The following LPAR1 variants were observed in gnomAD, a reference collection of about 807,000 sequenced individuals.
The protein encoded by LPAR1 is LPA receptor 1.
LPAR1 carries 5 observed loss-of-function variants against 23.8 expected under a neutral mutation model. That is an observed-to-expected ratio of 0.21 (90% CI 0.11 to 0.44). LPAR1 has a LOEUF of 0.44. Among genes scored for constraint, LPAR1 ranks in the 20% least tolerant of loss-of-function variants. The probability of loss-of-function intolerance (pLI) is 0.99; values close to 1 mark genes in which losing one functional copy is unlikely to be tolerated. For synonymous variants in LPAR1, 160 were observed against 164.7 expected (o/e 0.97, Z 0.22); for missense variants, 311 against 482.8 (o/e 0.64, Z 3.33).
intron 4 of LPAR1, among the ~76,000 whole-genome samples, chr9:110,962,883 T>C (rs1056674785): frequency 5.9e-5 from 9 of 152,168 alleles, no homozygotes; most frequent in Admixed American, 5.9e-4. Context: ...GTACAGATCT[T>C]AAAAGACAGA....
intron 4 of LPAR1, among the ~76,000 whole-genome samples, chr9:110,965,526 C>T (rs2096183767): frequency 6.6e-6 from 1 of 152,174 alleles, no homozygotes; most frequent in Non-Finnish European, 1.5e-5. Context: ...AAAAAAAGCT[C>T]ATTATTCCTG....
intron 2 of LPAR1, among the ~76,000 whole-genome samples, chr9:110,991,497 ATT>A (rs2096891323): frequency 6.6e-6 from 1 of 152,106 alleles, no homozygotes; most frequent in South Asian, 2.1e-4. Flanking sequence ...CTTTGATGTG[ATT>A]TTATATGCAC....
chr9:110,927,797 C>G (rs552891385), intron 5 of LPAR1, among the ~76,000 whole-genome samples: 2 of 152,166 alleles, frequency 1.3e-5, no homozygotes, highest in East Asian at 3.9e-4. Context: ...ATAAGTTAAG[C>G]CTTCATACAC....
chr9:110,885,684 G>A (rs1441040415), intron 5 of LPAR1, among the ~76,000 whole-genome samples: 1 of 152,168 alleles, frequency 6.6e-6, no homozygotes, highest in Non-Finnish European at 1.5e-5. Flanking sequence ...ACCTTAAGAT[G>A]GGTCACTGCC....
intron 2 of LPAR1, among the ~76,000 whole-genome samples, chr9:111,022,758 A>C (rs545002360): frequency 1.1e-4 from 17 of 152,300 alleles, no homozygotes; most frequent in Admixed American, 3.3e-4. Context: ...GCCTTCAAAA[A>C]ACCCTGCTAT....
chr9:110,976,336 C>CA (rs11356512), intron 2 of LPAR1, among the ~76,000 whole-genome samples: 29,455 of 126,546 alleles, frequency 0.23, 3,189 homozygotes, highest in South Asian at 0.32. Context: ...ACTAAAAATA[C>CA]AAAAAAAAAA....
chr9:110,898,883 CTA>C (rs2133718099), intron 5 of LPAR1, among the ~76,000 whole-genome samples: 1 of 152,240 alleles, frequency 6.6e-6, no homozygotes, highest in East Asian at 1.9e-4. Context: ...CCAAAACATC[CTA>C]TGAGTGTTTT....
In LPAR1 at chr9:111,038,289, G is replaced by C. The variant is rs1264841791; in HGVS notation, c.-384C>G. The C allele has an allele frequency of 1.3e-5, 2 of 148,586 alleles. No homozygotes were observed. Among genetic ancestry groups the C allele is most frequent in the African/African-American group, 2.4e-5 (1 of 41,032 alleles). The allele number at this position is 148,586 out of a possible 1,614,324, so 9.2% of individuals were successfully genotyped here. A position where few individuals can be genotyped will look rare whatever the true frequency, so the allele number is the denominator to read the frequency against. Reference sequence around the variant, plus strand: ...AGCCCGGCCCTCCGCCCGCCCCTCGGCAGTCGCCCAGAGCGGGGCCGCCCC... The same window carrying C: ...AGCCCGGCCCTCCGCCCGCCCCTCGCCAGTCGCCCAGAGCGGGGCCGCCCC... On this transcript the variant is annotated 5_prime_UTR_variant, in exon 1 of 6. Transcript: ENST00000683809. This position sits in a 1 kb window ranked among gnomAD's most constrained non-coding sequence, Gnocchi z 4.4.
chr9:111,022,779 G>C (rs563099902), intron 2 of LPAR1, among the ~76,000 whole-genome samples: 4 of 151,930 alleles, frequency 2.6e-5, no homozygotes, highest in Non-Finnish European at 5.9e-5. Context: ...TGCCGGGCGC[G>C]GTGGCTCAAG....
At chr9:110,900,560 T>G (rs2088480940) in intron 5 of LPAR1, among the ~76,000 whole-genome samples, 1 of 152,180 alleles carries the variant, frequency 6.6e-6, no homozygotes, top group Non-Finnish European at 1.5e-5. Context: ...TTCATAGCAT[T>G]TCTAGTCACA....
chr9:110,917,723 T>C (rs2093302150), intron 5 of LPAR1, among the ~76,000 whole-genome samples: 1 of 152,234 alleles, frequency 6.6e-6, no homozygotes, highest in South Asian at 2.1e-4. Flanking sequence ...CTCCTGATTT[T>C]ACTTTATGGC....
At position 110,989,844 on chromosome 9, in the gene LPAR1, C is replaced by T. The variant is rs554560962; in HGVS notation, c.-181-16286G>A. The stretch of plus-strand genomic sequence containing the variant: ...AAAGCAAGACACAACTATATGCTCC[C>T]TACATGAACCATACTTTAAACATGA... On this transcript the variant is annotated intron_variant, in intron 2 of 5. Transcript: ENST00000683809. 8.5e-5 allele frequency among the ~76,000 whole-genome samples: 13 copies of T among 152,064 alleles called. No individual in the cohort carries two copies. In the South Asian group the frequency reaches 2.7e-3, roughly 32 times the overall value.
At position 110,873,955 on chromosome 9, in the gene LPAR1, T is replaced by G. The variant is rs762598022; in HGVS notation, c.*1466A>C. ...GTTGAATTCTTCTAGTTGATCTTGT[T>G]GTATTAAAAAGTCACTCTCAACTGA... On this transcript the variant is annotated 3_prime_UTR_variant, in exon 6 of 6. Coordinates refer to ENST00000683809, the MANE Select transcript of LPAR1 (RefSeq NM_001351411.2). The G allele has an allele frequency of 6.6e-6, 1 of 152,662 alleles. No individual in the cohort carries two copies. 9.5% of individuals were successfully genotyped at this position (152,662 alleles called of 1,614,324 possible). A position where few individuals can be genotyped will look rare whatever the true frequency, so the allele number is the denominator to read the frequency against.
intron 2 of LPAR1, among the ~76,000 whole-genome samples, chr9:111,012,888 G>T (rs1588860504): frequency 6.6e-6 from 1 of 152,116 alleles, no homozygotes; most frequent in African/African-American, 2.4e-5. Flanking sequence ...CCTGTGACTG[G>T]ACAGGACAGA....
chr9:110,953,618 G>A (rs10980657), intron 4 of LPAR1, among the ~76,000 whole-genome samples: 24,712 of 151,062 alleles, frequency 0.16, 2,733 homozygotes, highest in East Asian at 0.6. Flanking sequence ...AGCCAAGATC[G>A]TGCCATGTCA....
chr9:110,908,548 C>T lies in LPAR1; in HGVS notation c.794-32826G>A, dbSNP rs73655671. On this transcript the variant is annotated intron_variant, in intron 5 of 5. Transcript: ENST00000683809. ...TTAAAGGAAAAATACATTTTAGTAA[C>T]TGCATTGAATGGAACATTCTGGTCT... is the stretch of plus-strand genomic sequence containing the variant. Among the ~76,000 whole-genome samples the T allele has an allele frequency of 3.8e-3, 573 of 152,222 alleles. 2 individuals are homozygous for T. Among genetic ancestry groups the T allele is most frequent in the African/African-American group, 0.013 (526 of 41,532 alleles).
chr9:110,980,033 CATAGAA>C (rs1268873358), intron 2 of LPAR1, among the ~76,000 whole-genome samples: 10 of 152,004 alleles, frequency 6.6e-5, no homozygotes, highest in Admixed American at 2.0e-4. Flanking sequence ...GAAAAGGATT[CATAGAA>C]TTCTACATGG....
chr9:110,910,302 C>T (rs941059392), intron 5 of LPAR1, among the ~76,000 whole-genome samples: 101 of 152,210 alleles, frequency 6.6e-4, no homozygotes, highest in African/African-American at 2.4e-3. Flanking sequence ...TGCCTGTAGT[C>T]TATAAATGGA....
At position 111,031,424 on chromosome 9, in the gene LPAR1, G is replaced by A. The variant is rs372929975; in HGVS notation, c.-182+4698C>T. Among the ~76,000 whole-genome samples, 776 of 144,212 alleles carry A rather than the reference G, an allele frequency of 5.4e-3. 11 individuals are homozygous for A. The highest frequency in any genetic ancestry group is 0.019 in the African/African-American group (745 of 38,470). The allele number at this position is 144,212 out of a possible 152,430, so 94.6% of individuals were successfully genotyped here. ...AAAAAAAAGAAAAAAAAAAAGAAAA[G>A]AAAAAGAAAGAAGAAGAAAGAAAGA... On this transcript the variant is annotated intron_variant, in intron 2 of 5. Coordinates refer to ENST00000683809, the MANE Select transcript of LPAR1 (RefSeq NM_001351411.2).
Sources: gnomAD v4.1 joint callset for allele counts (sites outside exome capture counted in the v4.1 genomes callset) on GRCh38, gnomAD v4.1.1 for gene constraint, Gnocchi (gnomAD v3.1) non-coding constraint, MANE v1.5 for transcripts, NCBI Gene and HGNC (gene_info 2026-07-23, HGNC 2026-07-21) for gene names.